The following C12orf54 variants were observed in gnomAD, a reference collection of about 807,000 sequenced individuals.
C12orf54 encodes the protein chromosome 12 open reading frame 54, also known as uncharacterized protein C12orf54.
In C12orf54, 24 loss-of-function variants were observed where a neutral mutation model predicts 26.4. The ratio of observed to expected loss-of-function variants is 0.91; its 90% CI spans 0.66 to 1.28. The LOEUF is 1.28. C12orf54 is among the 50% of genes most tolerant of loss of function. The pLI, the probability that C12orf54 is intolerant of heterozygous loss-of-function variation, is 0.00. For synonymous variants in C12orf54, 54 were observed against 47.0 expected, an observed-to-expected ratio of 1.15 and a Z score of -0.61; for missense variants, 154 against 150.9, an observed-to-expected ratio of 1.02 and a Z score of -0.11.
chr12:48,474,045 C>A, the C12orf54 span, among the ~76,000 whole-genome samples: 1 of 152,052 alleles, frequency 6.6e-6, no homozygotes, highest in Admixed American at 6.6e-5. Flanking sequence ...AGCCAGAGAG[C>A]TGAAAATGGC....
At chr12:48,487,009 G>A (rs111654253) in intron 4 of C12orf54, among the ~76,000 whole-genome samples, 4 of 152,292 alleles carry the variant, frequency 2.6e-5, no homozygotes, top group South Asian at 2.1e-4. Context: ...CTCAGTGATT[G>A]CTACAGACTT....
chr12:48,477,182 T>C, the C12orf54 span, among the ~76,000 whole-genome samples: 4 of 152,202 alleles, frequency 2.6e-5, no homozygotes, highest in Non-Finnish European at 5.9e-5. Context: ...GAAATAAAGA[T>C]GTTCTTTGAA....
At chr12:48,477,941 C>A (rs986483083), upstream of C12orf54, among the ~76,000 whole-genome samples, 9 of 152,102 alleles carry the variant, frequency 5.9e-5, no homozygotes, top group Non-Finnish European at 8.8e-5. Flanking sequence ...AGAGACACAA[C>A]CGAAAAAGAG....
Position 48,483,326 on chromosome 12 carries a change from AC to A in C12orf54, c.31del (p.Gln11LysfsTer3). 1 of 1,614,008 alleles carries A rather than the reference AC, an allele frequency of 6.2e-7. No individual in the cohort carries two copies. Among genetic ancestry groups the A allele is most frequent in the East Asian group, 2.2e-5 (1 of 44,860 alleles). MAQHPCQDQEQKVEMTSKQQR... is the reference protein window; with the variant it reads MAQHPCQDQEXKVEMTSKQQR... ...CACAGCATCCCTGCCAGGATCAGGAACAAAAGGTAGAAATGACCTCCAAGCA... is the reference window on the plus strand; with the variant it reads ...CACAGCATCCCTGCCAGGATCAGGAAAAAAGGTAGAAATGACCTCCAAGCA... On this transcript the variant is annotated frameshift_variant, in exon 2 of 9. Coordinates refer to ENST00000548364, the MANE Select transcript of C12orf54 (RefSeq NM_152319.4). LOFTEE classifies it high-confidence loss of function.
the C12orf54 span, among the ~76,000 whole-genome samples, chr12:48,459,856 C>T: frequency 6.6e-6 from 1 of 152,182 alleles, no homozygotes. Context: ...ATGTGAAATA[C>T]TGCCAAACAG....
the C12orf54 span, among the ~76,000 whole-genome samples, chr12:48,453,780 T>C: frequency 6.6e-6 from 1 of 151,292 alleles, no homozygotes; most frequent in African/African-American, 2.4e-5. Flanking sequence ...ATATGAAACA[T>C]ATAAGCATAA....
chr12:48,434,600 T>A, the C12orf54 span, among the ~76,000 whole-genome samples: 1 of 152,206 alleles, frequency 6.6e-6, no homozygotes, highest in Non-Finnish European at 1.5e-5. Flanking sequence ...CATTTGCGGT[T>A]CACCAATATC....
the C12orf54 span, among the ~76,000 whole-genome samples, chr12:48,466,598 G>A: frequency 1.3e-5 from 2 of 151,112 alleles, no homozygotes; most frequent in Non-Finnish European, 1.5e-5. Context: ...AACACGATTC[G>A]TTATTGCGGA....
At chr12:48,434,926 G>A in the C12orf54 span, among the ~76,000 whole-genome samples, 1 of 152,172 alleles carries the variant, frequency 6.6e-6, no homozygotes, top group Non-Finnish European at 1.5e-5. Context: ...ACTTTGACGA[G>A]TTGAGAGAAG....
the C12orf54 span, among the ~76,000 whole-genome samples, chr12:48,438,559 A>G: frequency 6.6e-6 from 1 of 152,254 alleles, no homozygotes; most frequent in South Asian, 2.1e-4. Context: ...AAACAGAGAT[A>G]TAGACCAATG....
the C12orf54 span, among the ~76,000 whole-genome samples, chr12:48,453,206 A>G: frequency 6.6e-6 from 1 of 152,188 alleles, no homozygotes; most frequent in East Asian, 1.9e-4. Flanking sequence ...ATGGAGCTGG[A>G]GACCATTATC....
chr12:48,450,434 C>G, the C12orf54 span, among the ~76,000 whole-genome samples: 10 of 152,126 alleles, frequency 6.6e-5, no homozygotes, highest in African/African-American at 2.4e-4. Context: ...ACTAGAGAGC[C>G]AAGAGCAAAC....
At chr12:48,458,264 A>T in the C12orf54 span, among the ~76,000 whole-genome samples, 15 of 152,242 alleles carry the variant, frequency 9.9e-5, no homozygotes, top group East Asian at 3.8e-4. Flanking sequence ...AGTGAGGAGA[A>T]TATTCTGGAT....
At chr12:48,436,146 T>A in the C12orf54 span, among the ~76,000 whole-genome samples, 16 of 151,564 alleles carry the variant, frequency 1.1e-4, no homozygotes, top group Admixed American at 1.1e-3. Flanking sequence ...CCAACAAAGA[T>A]CAAAAGAGAA....
At chr12:48,423,321 A>G in the C12orf54 span, among the ~76,000 whole-genome samples, 1 of 152,122 alleles carries the variant, frequency 6.6e-6, no homozygotes, top group Admixed American at 6.5e-5. Context: ...AAGTTGATAG[A>G]GAAATAATAG....
intron 4 of C12orf54, chr12:48,488,174 G>A (rs542694278): frequency 9.5e-6 from 7 of 736,440 alleles, no homozygotes; most frequent in Non-Finnish European, 1.3e-5. Flanking sequence ...AGGGTATCCA[G>A]TATCTCCATG....
At chr12:48,431,157 T>C in the C12orf54 span, among the ~76,000 whole-genome samples, 8 of 151,788 alleles carry the variant, frequency 5.3e-5, no homozygotes, top group Admixed American at 4.6e-4. Flanking sequence ...GGAAGGGTGG[T>C]GGGGGAGGGA....
the C12orf54 span, among the ~76,000 whole-genome samples, chr12:48,413,620 C>CT: frequency 2.0e-5 from 3 of 152,316 alleles, no homozygotes; most frequent in East Asian, 5.8e-4. Flanking sequence ...TTCCCACACC[C>CT]TAGTTGCAGA....
At chr12:48,422,156 C>A in the C12orf54 span, among the ~76,000 whole-genome samples, 1 of 152,106 alleles carries the variant, frequency 6.6e-6, no homozygotes, top group African/African-American at 2.4e-5. Flanking sequence ...TTCTCAGATT[C>A]TCTAATGAAT....
Sources: gnomAD v4.1 joint callset for allele counts (sites outside exome capture counted in the v4.1 genomes callset) on GRCh38, gnomAD v4.1.1 for gene constraint, MANE v1.5 for transcripts, NCBI Gene and HGNC (gene_info 2026-07-23, HGNC 2026-07-21) for gene names.